The following LMBR1 variants were observed in gnomAD, a reference collection of about 807,000 sequenced individuals.
The protein encoded by LMBR1 is limb development membrane protein 1.
A neutral mutation model predicts 73.9 loss-of-function variants in LMBR1; 52 were observed. That is an observed-to-expected ratio of 0.70 (90% CI 0.56 to 0.89). The LOEUF (loss-of-function observed/expected upper bound fraction) is 0.89, where lower values mean the gene tolerates loss of function less well. Among genes scored for constraint, LMBR1 ranks in the 40% least tolerant of loss-of-function variants. The probability of loss-of-function intolerance (pLI) is 0.00; values close to 1 mark genes in which losing one functional copy is unlikely to be tolerated. For synonymous variants in LMBR1, 215 were observed against 209.4 expected, an observed-to-expected ratio of 1.03 and a Z score of -0.23; for missense variants, 539 against 579.8, an observed-to-expected ratio of 0.93 and a Z score of 0.72.
At chr7:156,820,534 GA>G (rs1274949449) in intron 4 of LMBR1, among the ~76,000 whole-genome samples, 1 of 152,148 alleles carries the variant, frequency 6.6e-6, no homozygotes, top group African/African-American at 2.4e-5. Flanking sequence ...CAAAAAGTGG[GA>G]AATAAATCTG....
chr7:156,676,448 C>T, downstream of LMBR1: 1 of 1,614,074 alleles, frequency 6.2e-7, no homozygotes, highest in Non-Finnish European at 8.5e-7. Context: ...ACGAGTGCTC[C>T]ATCTGCCTGG....
intron 15 of LMBR1, among the ~76,000 whole-genome samples, chr7:156,707,101 AC>A (rs1252442196): frequency 6.6e-6 from 1 of 152,196 alleles, no homozygotes; most frequent in Non-Finnish European, 1.5e-5. Context: ...AATATTATAA[AC>A]AACTATACAT....
At chr7:156,773,190 A>T (rs981223853) in intron 5 of LMBR1, among the ~76,000 whole-genome samples, 2 of 152,228 alleles carry the variant, frequency 1.3e-5, no homozygotes, top group Non-Finnish European at 2.9e-5. Flanking sequence ...GCTCAAGGAA[A>T]TCAGAGATGA....
chr7:156,853,184 C>T (rs1056631601), intron 1 of LMBR1, among the ~76,000 whole-genome samples: 5 of 152,062 alleles, frequency 3.3e-5, no homozygotes, highest in Non-Finnish European at 7.4e-5. Flanking sequence ...ATGATCTGCC[C>T]GCCTTGGCCT....
chr7:156,884,073 C>A (rs1253788847), intron 1 of LMBR1, among the ~76,000 whole-genome samples: 10 of 152,184 alleles, frequency 6.6e-5, no homozygotes. Flanking sequence ...TTCCTTTTTG[C>A]TCTTCTATGT....
rs77405771 is a variant in LMBR1, at chr7:156,762,898, C to T, written c.619+210G>A. On this transcript the variant is annotated intron_variant, in intron 7 of 16. Transcript: ENST00000353442. ...CTGTCCGTCTGTCTCACTCTACAAC[C>T]CAGTAGAAGAAGCTTTCCTTAGAGA... 0.11 allele frequency among the ~76,000 whole-genome samples: 16,799 copies of T among 150,602 alleles called. 977 individuals are homozygous for T. The highest frequency in any genetic ancestry group is 0.13 in the East Asian group (688 of 5,122).
At chr7:156,748,016 A>C (rs546834052) in intron 9 of LMBR1, 1 of 152,356 alleles carries the variant, frequency 6.6e-6, no homozygotes, top group African/African-American at 2.4e-5. Context: ...TATCTATTTC[A>C]GCATGAACTA....
intron 9 of LMBR1, 58 bp from the exon 10 acceptor site, chr7:156,734,315 G>A: frequency 6.6e-6 from 7 of 1,066,756 alleles, no homozygotes; most frequent in Non-Finnish European, 9.5e-6. Flanking sequence ...TATAGAACAG[G>A]TAGCCCTTTA....
intron 4 of LMBR1, among the ~76,000 whole-genome samples, chr7:156,672,421 T>A (rs888411956): frequency 6.6e-6 from 1 of 152,248 alleles, no homozygotes; most frequent in Non-Finnish European, 1.5e-5. Context: ...AAGGAGGCAA[T>A]AGGTGACATC....
At chr7:156,740,177 A>G (rs1039507645) in intron 9 of LMBR1, among the ~76,000 whole-genome samples, 4 of 152,072 alleles carry the variant, frequency 2.6e-5, no homozygotes. Context: ...GAGCTTGAAG[A>G]CAGGCTGTTT....
chr7:156,671,311 GC>G (rs1178631767), intron 4 of LMBR1, among the ~76,000 whole-genome samples: 8 of 152,282 alleles, frequency 5.3e-5, no homozygotes, highest in African/African-American at 1.9e-4. Context: ...CAGAAGAGAT[GC>G]CTGAAAACGC....
intron 4 of LMBR1, among the ~76,000 whole-genome samples, chr7:156,821,455 C>A (rs1160478159): frequency 6.6e-6 from 1 of 152,220 alleles, no homozygotes; most frequent in Non-Finnish European, 1.5e-5. Context: ...GGGAAACTCT[C>A]CGATGGGCAG....
In LMBR1 at chr7:156,833,802, T is replaced by G. The variant is rs369943988; in HGVS notation, c.140-10A>C. The G allele has an allele frequency of 1.5e-5, 23 of 1,570,190 alleles. No homozygotes were observed. Among genetic ancestry groups the G allele is most frequent in the Non-Finnish European group, 2.0e-5 (23 of 1,151,084 alleles). On this transcript the variant is annotated splice_polypyrimidine_tract_variant and intron_variant, in intron 2 of 16. Transcript: ENST00000353442. Reference sequence around the variant, plus strand: ...TCATCTTCTTGTTCATCTGCAAAAATGTTTAAGGTATTAATATTCCTTTAT... The same window carrying G: ...TCATCTTCTTGTTCATCTGCAAAAAGGTTTAAGGTATTAATATTCCTTTAT...
In LMBR1 at chr7:156,683,192, T is replaced by G. The variant is rs992744843; in HGVS notation, c.*886A>C. On this transcript the variant is annotated 3_prime_UTR_variant, in exon 17 of 17. Transcript: ENST00000353442. The stretch of plus-strand genomic sequence containing the variant: ...TTCTACCACTCGGCATTTATAGTTT[T>G]TATATGCATTGCAGAAGCATGGGGA... 1.3e-5 allele frequency: 2 copies of G among 152,216 alleles called. No homozygotes were observed. The highest frequency in any genetic ancestry group is 2.9e-5 in the Non-Finnish European group (2 of 68,032). 9.4% of individuals were successfully genotyped at this position (152,216 alleles called of 1,614,324 possible). A position where few individuals can be genotyped will look rare whatever the true frequency, so the allele number is the denominator to read the frequency against.
At chr7:156,783,137 A>G (rs1175187730) in intron 5 of LMBR1, among the ~76,000 whole-genome samples, 1 of 152,280 alleles carries the variant, frequency 6.6e-6, no homozygotes, top group African/African-American at 2.4e-5. Context: ...AAAATTATGA[A>G]CACAGAATAT....
At chr7:156,884,435 AACTC>A (rs1801569559) in intron 1 of LMBR1, among the ~76,000 whole-genome samples, 1 of 152,076 alleles carries the variant, frequency 6.6e-6, no homozygotes, top group Non-Finnish European at 1.5e-5. Context: ...AGAAATGACC[AACTC>A]TCTATCCTGG....
intron 15 of LMBR1, among the ~76,000 whole-genome samples, chr7:156,699,124 A>C (rs1809025434): frequency 1.3e-5 from 2 of 152,176 alleles, no homozygotes. Flanking sequence ...GCAGGGGCAA[A>C]ATGCCACCAG....
chr7:156,738,429 T>C (rs1818294537), intron 9 of LMBR1, among the ~76,000 whole-genome samples: 1 of 152,078 alleles, frequency 6.6e-6, no homozygotes, highest in Non-Finnish European at 1.5e-5. Flanking sequence ...CTGCAATTCC[T>C]AGGCAAGTCC....
chr7:156,709,490 G>A (rs1165304173), intron 15 of LMBR1, among the ~76,000 whole-genome samples: 1 of 152,180 alleles, frequency 6.6e-6, no homozygotes, highest in Admixed American at 6.5e-5. Context: ...AGCAGATGCT[G>A]GTATCCACAG....
Sources: gnomAD v4.1 joint callset for allele counts (sites outside exome capture counted in the v4.1 genomes callset) on GRCh38, gnomAD v4.1.1 for gene constraint, MANE v1.5 for transcripts, NCBI Gene and HGNC (gene_info 2026-07-23, HGNC 2026-07-21) for gene names.